Variants in GLIS3 observed in about 807,000 individuals in gnomAD.
GLIS3 encodes the protein GLIS family zinc finger 3.
GLIS3 carries 53 observed loss-of-function variants against 78.6 expected under a neutral mutation model. The ratio of observed to expected loss-of-function variants is 0.67; its 90% CI spans 0.54 to 0.85. The LOEUF is 0.85. Among genes scored for constraint, GLIS3 ranks in the 40% least tolerant of loss-of-function variants. The pLI, the probability that GLIS3 is intolerant of heterozygous loss-of-function variation, is 0.00. For missense variants in GLIS3, 1,703 were observed against 1,231.1 expected (o/e 1.38, Z -5.74); for synonymous variants, 684 against 509.9 (o/e 1.34, Z -4.60).
the GLIS3 span, among the ~76,000 whole-genome samples, chr9:4,461,290 C>T: frequency 6.6e-6 from 1 of 152,034 alleles, no homozygotes; most frequent in East Asian, 1.9e-4. Context: ...GGATCAATGC[C>T]CATGATGGTT....
intron 4 of GLIS3, among the ~76,000 whole-genome samples, chr9:4,002,536 G>A (rs1249240294): frequency 6.6e-6 from 1 of 152,116 alleles, no homozygotes; most frequent in African/African-American, 2.4e-5. Context: ...CTATCTTCAT[G>A]CCTCATTGGT....
At chr9:4,394,612 C>G in the GLIS3 span, among the ~76,000 whole-genome samples, 35,245 of 151,982 alleles carry the variant, frequency 0.23, 5,025 homozygotes, top group African/African-American at 0.39. Flanking sequence ...ACAATTCATA[C>G]CCATTCAAAA....
At chr9:4,204,584 C>T (rs759136079) in intron 2 of GLIS3, among the ~76,000 whole-genome samples, 7 of 152,058 alleles carry the variant, frequency 4.6e-5, no homozygotes, top group Non-Finnish European at 1.0e-4. Flanking sequence ...GTTGAACACA[C>T]CAAGATGGAA....
intron 2 of GLIS3, among the ~76,000 whole-genome samples, chr9:4,315,404 A>T (rs2130535358): frequency 6.6e-6 from 1 of 152,250 alleles, no homozygotes. Context: ...CATGTTCTAA[A>T]ACTCTATATG....
chr9:4,097,637 A>T (rs1357451494), intron 4 of GLIS3, among the ~76,000 whole-genome samples: 2 of 152,228 alleles, frequency 1.3e-5, no homozygotes, highest in African/African-American at 4.8e-5. Flanking sequence ...TTTTGCCAAG[A>T]TAAAATATTT....
chr9:3,858,300 T>G (rs12001796), intron 8 of GLIS3, among the ~76,000 whole-genome samples: 1 of 152,182 alleles, frequency 6.6e-6, no homozygotes, highest in South Asian at 2.1e-4. Flanking sequence ...AGATCCTATA[T>G]ATATATGATT....
chr9:4,382,777 T>C, the GLIS3 span, among the ~76,000 whole-genome samples: 2 of 152,210 alleles, frequency 1.3e-5, no homozygotes, highest in Non-Finnish European at 2.9e-5. Context: ...TCAGGGCCTT[T>C]CCATTTCTCA....
intron 2 of GLIS3, among the ~76,000 whole-genome samples, chr9:4,267,861 A>G (rs939140321): frequency 6.6e-6 from 1 of 152,166 alleles, no homozygotes; most frequent in African/African-American, 2.4e-5. Flanking sequence ...CGTTTCTACT[A>G]GGTACATCAT....
At chr9:3,925,608 T>C (rs1001687332) in intron 6 of GLIS3, among the ~76,000 whole-genome samples, 24 of 151,316 alleles carry the variant, frequency 1.6e-4, no homozygotes, top group African/African-American at 4.1e-4. Context: ...TGTGCGCGCG[T>C]GTGTGTGTGT....
At chr9:4,210,293 C>A (rs1057270759) in intron 2 of GLIS3, among the ~76,000 whole-genome samples, 2 of 152,178 alleles carry the variant, frequency 1.3e-5, no homozygotes, top group African/African-American at 4.8e-5. Context: ...TTTGAACAAT[C>A]CAACCAGAAA....
At chr9:4,074,422 T>C (rs1008896925) in intron 4 of GLIS3, among the ~76,000 whole-genome samples, 2 of 152,204 alleles carry the variant, frequency 1.3e-5, no homozygotes, top group African/African-American at 2.4e-5. Flanking sequence ...TAGTAATTTA[T>C]GGAAGGCTGA....
chr9:4,179,433 C>T (rs1340818172), intron 2 of GLIS3, among the ~76,000 whole-genome samples: 2 of 152,132 alleles, frequency 1.3e-5, no homozygotes, highest in Admixed American at 6.6e-5. Flanking sequence ...GGTAGCTATA[C>T]TCCCTATTTG....
At chr9:3,838,647 C>T (rs1818516064) in intron 9 of GLIS3, among the ~76,000 whole-genome samples, 1 of 152,174 alleles carries the variant, frequency 6.6e-6, no homozygotes, top group Non-Finnish European at 1.5e-5. Flanking sequence ...CAAACACTCC[C>T]TGTCTAGGTT....
chr9:4,308,043 G>C (rs1029284487), intron 4 of GLIS3, among the ~76,000 whole-genome samples: 2 of 152,096 alleles, frequency 1.3e-5, no homozygotes, highest in African/African-American at 4.8e-5. Context: ...GCTGGCTCTG[G>C]GCTCTCACAG....
chr9:3,915,635 C>G (rs1432859819), intron 6 of GLIS3, among the ~76,000 whole-genome samples: 2 of 152,186 alleles, frequency 1.3e-5, no homozygotes, highest in Non-Finnish European at 2.9e-5. Context: ...TCTGCTGTGT[C>G]TAACTCCATT....
chr9:4,444,286 C>G, the GLIS3 span, among the ~76,000 whole-genome samples: 1 of 152,252 alleles, frequency 6.6e-6, no homozygotes. Flanking sequence ...TACTACGCTT[C>G]TCATACACAA....
At chr9:4,350,221 G>C (rs1817950809), upstream of GLIS3, among the ~76,000 whole-genome samples, 1 of 152,194 alleles carries the variant, frequency 6.6e-6, no homozygotes, top group Non-Finnish European at 1.5e-5. Flanking sequence ...GGCCATGTTT[G>C]CTATACCCGC....
intron 9 of GLIS3, among the ~76,000 whole-genome samples, 168 bp from the exon 10 acceptor site, chr9:3,829,660 G>A (rs1410239299): frequency 1.3e-5 from 2 of 152,112 alleles, no homozygotes; most frequent in Non-Finnish European, 2.9e-5. Flanking sequence ...GCACTGTTGG[G>A]CTGAAGCTCT....
intron 4 of GLIS3, among the ~76,000 whole-genome samples, chr9:4,039,440 A>G (rs1824616342): frequency 6.6e-6 from 1 of 152,188 alleles, no homozygotes; most frequent in South Asian, 2.1e-4. Flanking sequence ...AGCTATGTGG[A>G]AAGAGGCCTG....
Sources: allele counts gnomAD v4.1 joint callset (sites outside exome capture counted in the v4.1 genomes callset), GRCh38; gene constraint gnomAD v4.1.1; transcripts MANE v1.5; gene names NCBI Gene and HGNC (gene_info 2026-07-23, HGNC 2026-07-21).